Variants in C2orf66 observed in about 807,000 individuals in gnomAD.
The protein encoded by C2orf66 is uncharacterized protein C2orf66.
In C2orf66, 6 loss-of-function variants were observed where a neutral mutation model predicts 7.0. The ratio of observed to expected loss-of-function variants is 0.86; its 90% CI spans 0.47 to 1.69. C2orf66 has a LOEUF of 1.69. Ranked by LOEUF, C2orf66 falls within the 40% of genes most tolerant of loss-of-function variation. The pLI, the probability that C2orf66 is intolerant of heterozygous loss-of-function variation, is 0.01. For missense variants in C2orf66, 107 were observed against 112.0 expected (o/e 0.96, Z 0.20); for synonymous variants, 38 against 43.8 (o/e 0.87, Z 0.52).
At chr2:196,829,461 C>T in the C2orf66 span, among the ~76,000 whole-genome samples, 12 of 152,044 alleles carry the variant, frequency 7.9e-5, no homozygotes, top group East Asian at 3.9e-4. Flanking sequence ...TGGTGGCAGA[C>T]GCCTGTAATC....
the C2orf66 span, among the ~76,000 whole-genome samples, chr2:196,816,777 T>G: frequency 3.3e-5 from 5 of 152,344 alleles, no homozygotes; most frequent in South Asian, 1.0e-3. Context: ...TACAACCGTT[T>G]TTATGTAATA....
intron 1 of C2orf66, 85 bp downstream of exon 1, chr2:196,809,129 C>G: frequency 1.5e-6 from 2 of 1,374,634 alleles, no homozygotes; most frequent in Non-Finnish European, 2.0e-6. Flanking sequence ...CTTTCCACTA[C>G]GTTCTGGAAA....
chr2:196,824,915 T>C, the C2orf66 span, among the ~76,000 whole-genome samples: 2 of 152,016 alleles, frequency 1.3e-5, no homozygotes, highest in Non-Finnish European at 2.9e-5. Flanking sequence ...AGCAACTCAA[T>C]AGCAAGAAAA....
Position 196,807,557 on chromosome 2 carries a change from A to T in C2orf66, c.189T>A (p.Pro63=), listed in dbSNP as rs138841109. 6.2e-6 allele frequency: 10 copies of T among 1,613,762 alleles called. No individual in the cohort carries two copies. Among genetic ancestry groups the T allele is most frequent in the Non-Finnish European group, 8.5e-6 (10 of 1,179,850 alleles). The change falls in exon 2 of 3, where the codon CCT becomes CCA. Residue 63 remains proline, a synonymous_variant. Coordinates refer to ENST00000342506, the MANE Select transcript of C2orf66 (RefSeq NM_213608.3). The part of the protein sequence containing the change: ...RGLDLGTFPN[P]FPTNENPRPL... ...GTCTAGGATTTTCATTCGTGGGGAA[A>T]GGATTTGGAAATGTTCCAAGATCAA...
At chr2:196,822,756 T>C in the C2orf66 span, among the ~76,000 whole-genome samples, 1 of 152,206 alleles carries the variant, frequency 6.6e-6, no homozygotes, top group Non-Finnish European at 1.5e-5. Context: ...CTCATTCAGC[T>C]CTTATCTTTA....
chr2:196,813,306 C>G (rs1328307239), upstream of C2orf66, among the ~76,000 whole-genome samples: 1 of 152,038 alleles, frequency 6.6e-6, no homozygotes, highest in African/African-American at 2.4e-5. Context: ...TTGACCAACT[C>G]AGCAAAAACA....
At chr2:196,808,460 A>G (rs1257567991) in intron 1 of C2orf66, among the ~76,000 whole-genome samples, 1 of 152,164 alleles carries the variant, frequency 6.6e-6, no homozygotes, top group Non-Finnish European at 1.5e-5. Flanking sequence ...GAGCAATGAG[A>G]GCAGGTCGGG....
chr2:196,823,714 T>C, the C2orf66 span, among the ~76,000 whole-genome samples: 46 of 152,222 alleles, frequency 3.0e-4, no homozygotes, highest in Non-Finnish European at 4.9e-4. Flanking sequence ...GATACTTTGT[T>C]TGTCTAGTTT....
chr2:196,824,125 A>G, the C2orf66 span, among the ~76,000 whole-genome samples: 1 of 152,222 alleles, frequency 6.6e-6, no homozygotes, highest in Non-Finnish European at 1.5e-5. Flanking sequence ...ATATAATTAC[A>G]TATTTCAGGT....
the C2orf66 span, among the ~76,000 whole-genome samples, chr2:196,819,695 A>G: frequency 6.6e-6 from 1 of 152,306 alleles, no homozygotes; most frequent in South Asian, 2.1e-4. Flanking sequence ...TTGTCTTCAG[A>G]GGTTGGTATA....
At chr2:196,818,804 T>C in the C2orf66 span, among the ~76,000 whole-genome samples, 1 of 152,154 alleles carries the variant, frequency 6.6e-6, no homozygotes. Flanking sequence ...GGCAGAATCA[T>C]TGCTTACAGT....
chr2:196,816,712 AT>A, the C2orf66 span, among the ~76,000 whole-genome samples: 2 of 152,194 alleles, frequency 1.3e-5, no homozygotes, highest in Admixed American at 6.5e-5. Context: ...TTGGAAAAAA[AT>A]GTTAGAGGGG....
At chr2:196,831,161 G>A in the C2orf66 span, among the ~76,000 whole-genome samples, 1 of 152,120 alleles carries the variant, frequency 6.6e-6, no homozygotes, top group South Asian at 2.1e-4. Flanking sequence ...GAATGTCAGA[G>A]GGAGTCTCTT....
At chr2:196,806,767 A>C (rs1273091641) in intron 2 of C2orf66, among the ~76,000 whole-genome samples, 1 of 151,942 alleles carries the variant, frequency 6.6e-6, no homozygotes, top group Non-Finnish European at 1.5e-5. Flanking sequence ...GAGGCAGAAG[A>C]ATCCTTTGAA....
chr2:196,808,212 A>G (rs1474888979), intron 1 of C2orf66, among the ~76,000 whole-genome samples: 1 of 152,230 alleles, frequency 6.6e-6, no homozygotes, highest in Non-Finnish European at 1.5e-5. Flanking sequence ...AGGCTAATTC[A>G]TAGGTAGTGC....
chr2:196,806,410 G>T (rs1457827663), intron 2 of C2orf66, among the ~76,000 whole-genome samples: 3 of 151,788 alleles, frequency 2.0e-5, no homozygotes, highest in African/African-American at 7.3e-5. Flanking sequence ...TGTTAGCCAG[G>T]ACGGTCTCGA....
chr2:196,809,540 G>C (rs932463727), upstream of C2orf66: 6 of 583,872 alleles, frequency 1.0e-5, no homozygotes, highest in Admixed American at 3.0e-5. Flanking sequence ...CAACTGATTA[G>C]CTTAAAGTAG....
At chr2:196,813,868 T>C (rs1699899076), upstream of C2orf66, among the ~76,000 whole-genome samples, 1 of 152,052 alleles carries the variant, frequency 6.6e-6, no homozygotes, top group Non-Finnish European at 1.5e-5. Context: ...AAAACCACAA[T>C]GAGATACCAT....
the C2orf66 span, among the ~76,000 whole-genome samples, chr2:196,826,917 G>C: frequency 6.6e-6 from 1 of 152,030 alleles, no homozygotes; most frequent in East Asian, 1.9e-4. Context: ...TGTAGTCCCA[G>C]CTACTCAGGA....
Sources: allele counts gnomAD v4.1 joint callset (sites outside exome capture counted in the v4.1 genomes callset), GRCh38; gene constraint gnomAD v4.1.1; transcripts MANE v1.5; gene names NCBI Gene and HGNC (gene_info 2026-07-23, HGNC 2026-07-21).